The following DGKH variants were observed in gnomAD, a reference collection of about 807,000 sequenced individuals.
DGKH encodes diacylglycerol kinase eta.
A neutral mutation model predicts 159.3 loss-of-function variants in DGKH; 90 were observed. The observed-to-expected ratio is 0.57, with a 90% CI of 0.48 to 0.67. The LOEUF (loss-of-function observed/expected upper bound fraction) is 0.67. Ranked by LOEUF, DGKH falls within the 30% of genes least tolerant of loss-of-function variation. The probability of loss-of-function intolerance (pLI) is 0.00; values close to 1 mark genes in which losing one functional copy is unlikely to be tolerated. For synonymous variants in DGKH, 536 were observed against 553.8 expected, an observed-to-expected ratio of 0.97 and a Z score of 0.45; for missense variants, 1,181 against 1,506.1, an observed-to-expected ratio of 0.78 and a Z score of 3.57.
At chr13:42,170,432 T>A (rs1956420866) in intron 11 of DGKH, among the ~76,000 whole-genome samples, 2 of 151,740 alleles carry the variant, frequency 1.3e-5, no homozygotes, top group Admixed American at 1.3e-4. Flanking sequence ...TAAAAATAAA[T>A]AAATAAATGA....
intron 11 of DGKH, among the ~76,000 whole-genome samples, chr13:42,173,475 T>C (rs918291799): frequency 2.0e-5 from 3 of 152,154 alleles, no homozygotes; most frequent in Non-Finnish European, 4.4e-5. Context: ...ATTAATATTT[T>C]CCCCCTACTC....
chr13:42,085,963 T>G (rs1954293024), intron 1 of DGKH, among the ~76,000 whole-genome samples: 1 of 152,054 alleles, frequency 6.6e-6, no homozygotes, highest in African/African-American at 2.4e-5. Context: ...CTCTGTTGCC[T>G]AGGCTGGAGT....
At chr13:42,148,913 G>A (rs965392414) in intron 3 of DGKH, among the ~76,000 whole-genome samples, 6 of 148,944 alleles carry the variant, frequency 4.0e-5, no homozygotes, top group Non-Finnish European at 4.4e-5. Context: ...ACCTTACTTG[G>A]CCTTCCCACC....
Position 42,230,016 on chromosome 13 carries a change from C to A in DGKH, c.*828C>A, listed in dbSNP as rs1425012762. ...ACATGCAAGTCAATTTTATTTCAAT[C>A]TATCATAAGCAGTAGGCGTGCACGT... is the stretch of plus-strand genomic sequence containing the variant. On this transcript the variant is annotated 3_prime_UTR_variant, in exon 30 of 30. Transcript: ENST00000337343. 6.6e-6 allele frequency: 1 copy of A among 152,126 alleles called. No homozygotes were observed. Among genetic ancestry groups the A allele is most frequent in the East Asian group, 1.9e-4 (1 of 5,194 alleles). The allele number at this position is 152,126 out of a possible 1,614,324, so 9.4% of individuals were successfully genotyped here. A position where few individuals can be genotyped will look rare whatever the true frequency, so the allele number is the denominator to read the frequency against.
chr13:42,163,321 A>G (rs1956237424), intron 7 of DGKH, among the ~76,000 whole-genome samples: 1 of 152,106 alleles, frequency 6.6e-6, no homozygotes, highest in African/African-American at 2.4e-5. Flanking sequence ...CGCAATAAAC[A>G]TACGTGTGCA....
intron 23 of DGKH, among the ~76,000 whole-genome samples, chr13:42,209,727 C>T (rs1398648950): frequency 1.3e-5 from 2 of 152,138 alleles, no homozygotes; most frequent in Admixed American, 1.3e-4. Flanking sequence ...CCCCTTCTTC[C>T]CTACACATGT....
chr13:42,234,191 A>G lies in DGKH; in HGVS notation c.*5003A>G, dbSNP rs942028900. On this transcript the variant is annotated 3_prime_UTR_variant, in exon 30 of 30. Coordinates refer to ENST00000337343, the MANE Select transcript of DGKH (RefSeq NM_178009.5). The stretch of plus-strand genomic sequence containing the variant: ...ACTTATTTTCAGGAATCCTTCTCTT[A>G]ATAACTTTTACATATTGATATAATG... 3.3e-5 allele frequency: 5 copies of G among 152,194 alleles called. No homozygotes were observed. Among genetic ancestry groups the G allele is most frequent in the Non-Finnish European group, 5.9e-5 (4 of 68,036 alleles). The allele number at this position is 152,194 out of a possible 1,614,324, so 9.4% of individuals were successfully genotyped here. A position where few individuals can be genotyped will look rare whatever the true frequency, so the allele number is the denominator to read the frequency against.
chr13:42,205,846 A>G (rs894636438), intron 20 of DGKH, among the ~76,000 whole-genome samples, 193 bp from the exon 21 acceptor site: 1 of 152,144 alleles, frequency 6.6e-6, no homozygotes, highest in Non-Finnish European at 1.5e-5. Context: ...AACTTCTGCT[A>G]TAGTTATTTA....
At chr13:42,058,794 C>T (rs952212673) in intron 1 of DGKH, among the ~76,000 whole-genome samples, 1 of 152,160 alleles carries the variant, frequency 6.6e-6, no homozygotes, top group African/African-American at 2.4e-5. Flanking sequence ...CTCTCCATGC[C>T]TTATGTTTTC....
chr13:42,142,708 G>C (rs1470608162), intron 3 of DGKH, among the ~76,000 whole-genome samples: 1 of 151,966 alleles, frequency 6.6e-6, no homozygotes, highest in Non-Finnish European at 1.5e-5. Flanking sequence ...GTCTGTTATT[G>C]GTGTATAAGA....
intron 1 of DGKH, among the ~76,000 whole-genome samples, chr13:42,080,037 C>T (rs1378212642): frequency 2.6e-5 from 4 of 152,178 alleles, no homozygotes; most frequent in African/African-American, 9.7e-5. Context: ...GCCTGATTTT[C>T]TCACGTTGCT....
chr13:42,051,062 G>A (rs1342525839), intron 1 of DGKH, among the ~76,000 whole-genome samples: 6 of 152,274 alleles, frequency 3.9e-5, no homozygotes, highest in East Asian at 1.9e-4. Flanking sequence ...TCATGCGCTC[G>A]TTGTAATAGC....
intron 12 of DGKH, among the ~76,000 whole-genome samples, chr13:42,175,661 A>T (rs1956582809): frequency 6.6e-6 from 1 of 152,184 alleles, no homozygotes. Context: ...CTTTTTTTGT[A>T]CAAAAGAGTT....
intron 1 of DGKH, among the ~76,000 whole-genome samples, chr13:42,054,819 A>G (rs1418776939): frequency 2.0e-5 from 3 of 152,218 alleles, no homozygotes; most frequent in Non-Finnish European, 4.4e-5. Context: ...CAATGAATAC[A>G]TACATGAAAA....
Position 42,129,643 on chromosome 13 carries a change from AT to A in DGKH, c.384+13del. 4 of 1,607,978 alleles carry A rather than the reference AT, an allele frequency of 2.5e-6. No homozygotes were observed. Among genetic ancestry groups the A allele is most frequent in the Non-Finnish European group, 3.4e-6 (4 of 1,176,214 alleles). On this transcript the variant is annotated intron_variant, in intron 3 of 29. Transcript: ENST00000337343. ...AACAACAGCTTCACGGTATGGTTAT[AT>A]TCTGCTAACTCCCTTCTCAAAAGTT...
intron 3 of DGKH, among the ~76,000 whole-genome samples, chr13:42,144,869 C>G (rs1385370245): frequency 6.6e-6 from 1 of 152,070 alleles, no homozygotes; most frequent in African/African-American, 2.4e-5. Flanking sequence ...AAAAGCCCAC[C>G]CTTTTAAATA....
At position 42,241,780 on chromosome 13, in the gene DGKH, A is replaced by G. The variant is rs965413484; in HGVS notation, c.*12592A>G. On this transcript the variant is annotated 3_prime_UTR_variant, in exon 30 of 30. Transcript: ENST00000337343. ...AGGTAGCATACGTATCTAAGCATAT[A>G]GTAAATATTACTAGTACTTGTGTGC... 2.0e-5 allele frequency: 3 copies of G among 152,250 alleles called. No individual in the cohort carries two copies. Among genetic ancestry groups the G allele is most frequent in the African/African-American group, 7.2e-5 (3 of 41,470 alleles). The allele number at this position is 152,250 out of a possible 1,614,324, so 9.4% of individuals were successfully genotyped here. A position where few individuals can be genotyped will look rare whatever the true frequency, so the allele number is the denominator to read the frequency against.
intron 28 of DGKH, 142 bp from the exon 29 acceptor site, chr13:42,221,122 G>A: frequency 9.1e-7 from 1 of 1,101,488 alleles, no homozygotes; most frequent in East Asian, 2.5e-5. Flanking sequence ...TGGAACTATG[G>A]TTTTGTTGAA....
chr13:42,121,591 C>G (rs1379853068), intron 1 of DGKH, among the ~76,000 whole-genome samples: 8 of 152,180 alleles, frequency 5.3e-5, no homozygotes, highest in Admixed American at 5.2e-4. Flanking sequence ...AAAACCTATC[C>G]TCAGTTGAGA....
Sources: gnomAD v4.1 joint callset for allele counts (sites outside exome capture counted in the v4.1 genomes callset) on GRCh38, gnomAD v4.1.1 for gene constraint, MANE v1.5 for transcripts, NCBI Gene and HGNC (gene_info 2026-07-23, HGNC 2026-07-21) for gene names.